Variants in BICD1 observed in about 807,000 individuals in gnomAD.
BICD1 encodes BICD cargo adaptor 1, also known as protein bicaudal D homolog 1.
Under a neutral mutation model 92.5 loss-of-function variants are expected in BICD1, and 35 were observed. The observed-to-expected ratio is 0.38, with a 90% CI of 0.29 to 0.50. The LOEUF is 0.50. Among genes scored for constraint, BICD1 ranks in the 20% least tolerant of loss-of-function variants. BICD1 has a pLI of 0.93. For synonymous variants in BICD1, 429 were observed against 465.1 expected (o/e 0.92, Z 1.00); for missense variants, 950 against 1,189.8 (o/e 0.80, Z 2.97).
chr12:32,108,031 A>G (rs1409782724), intron 1 of BICD1: 1 of 315,876 alleles, frequency 3.2e-6, no homozygotes, highest in African/African-American at 2.1e-5. Context: ...CTCCTCACCA[A>G]TCCCATTTGA....
chr12:32,302,232 T>C (rs1483334728), intron 3 of BICD1, among the ~76,000 whole-genome samples: 1 of 152,186 alleles, frequency 6.6e-6, no homozygotes, highest in Non-Finnish European at 1.5e-5. Flanking sequence ...TTTCAAATGT[T>C]TGTGAAATCA....
In BICD1 at chr12:32,210,381, A is replaced by G. The variant is rs1338363977; in HGVS notation, c.214-5866A>G. Among the ~76,000 whole-genome samples, 3 of 152,230 alleles carry G rather than the reference A, an allele frequency of 2.0e-5. No individual in the cohort carries two copies. The East Asian group carries it at 5.8e-4, about 29-fold the overall frequency. On this transcript the variant is annotated intron_variant, in intron 1 of 9. Transcript: ENST00000652176. ...AAGAGAACATTTTAAAGATAAAATG[A>G]TATTAAATATACTAGTCAAAATTTT...
intron 2 of BICD1, 55 bp from the exon 3 acceptor site, chr12:32,293,939 T>G (rs1947791034): frequency 1.3e-6 from 2 of 1,546,980 alleles, no homozygotes; most frequent in Admixed American, 2.1e-5. Context: ...ACTTTACACC[T>G]TGTAAAATCT....
At chr12:32,225,621 G>GTTTTTTTTTTTTTTTTGTTTTTT (rs1945659618) in intron 2 of BICD1, among the ~76,000 whole-genome samples, 1 of 92,774 alleles carries the variant, frequency 1.1e-5, no homozygotes, top group Non-Finnish European at 2.1e-5. Context: ...CTTTTTTTCT[G>GTTTTTTTTTTTTTTTTGTTTTTT]TTTTTTTTTT....
In BICD1 at chr12:32,107,119, C is replaced by T. The variant is rs1941497977; in HGVS notation, c.-213C>T. The T allele has an allele frequency of 6.8e-6, 4 of 590,048 alleles. No homozygotes were observed. The highest frequency in any genetic ancestry group is 1.2e-5 in the Non-Finnish European group (4 of 332,932). The allele number at this position is 590,048 out of a possible 1,614,324, so 36.6% of individuals were successfully genotyped here. ...TGCCGCCTCGCCCCTGACCCTCTGC[C>T]CTGTTCTCCATGTTGCATTTCTCGT... is the stretch of plus-strand genomic sequence containing the variant. On this transcript the variant is annotated 5_prime_UTR_variant, in exon 1 of 10. Transcript: ENST00000652176.
chr12:32,336,916 A>G (rs1427000037), intron 6 of BICD1, among the ~76,000 whole-genome samples: 1 of 152,174 alleles, frequency 6.6e-6, no homozygotes, highest in African/African-American at 2.4e-5. Flanking sequence ...GTTCGAGACC[A>G]GTCTGGGCAA....
At chr12:32,241,169 G>C (rs770629624) in intron 2 of BICD1, among the ~76,000 whole-genome samples, 44 of 152,158 alleles carry the variant, frequency 2.9e-4, no homozygotes, top group Non-Finnish European at 4.6e-4. Context: ...TTTCCAGACA[G>C]CGGCAAAGAG....
chr12:32,298,668 C>T (rs990435761), intron 3 of BICD1, among the ~76,000 whole-genome samples: 7 of 149,998 alleles, frequency 4.7e-5, no homozygotes, highest in African/African-American at 7.4e-5. Context: ...GTCTGGAGTT[C>T]GAGACCAGCC....
At chr12:32,218,596 T>C (rs1775900467) in intron 2 of BICD1, among the ~76,000 whole-genome samples, 1 of 152,220 alleles carries the variant, frequency 6.6e-6, no homozygotes. Context: ...GATTCTTCAA[T>C]TTTTATGCAT....
Position 32,211,920 on chromosome 12 carries a change from C to T in BICD1, c.214-4327C>T, listed in dbSNP as rs150947047. ...GAATTCAGAATTGACCTCACAGAAT[C>T]TGATCATTACTGATGCAAGAGCAAA... On this transcript the variant is annotated intron_variant, in intron 1 of 9. Transcript: ENST00000652176. 6.2e-3 allele frequency among the ~76,000 whole-genome samples: 946 copies of T among 152,278 alleles called. 10 individuals carry two copies. The highest frequency in any genetic ancestry group is 0.021 in the African/African-American group (883 of 41,560).
intron 1 of BICD1, among the ~76,000 whole-genome samples, chr12:32,161,048 C>G (rs921162175): frequency 1.3e-5 from 2 of 152,132 alleles, no homozygotes; most frequent in Non-Finnish European, 2.9e-5. Context: ...ACACTAATAT[C>G]TAATATTGCC....
chr12:32,175,476 C>T (rs1243634893), intron 1 of BICD1, among the ~76,000 whole-genome samples: 1 of 152,124 alleles, frequency 6.6e-6, no homozygotes, highest in Non-Finnish European at 1.5e-5. Flanking sequence ...GCCACCAAGC[C>T]CAGCTAATTT....
intron 1 of BICD1, among the ~76,000 whole-genome samples, chr12:32,148,837 TG>T (rs1185187546): frequency 2.0e-5 from 3 of 152,074 alleles, no homozygotes; most frequent in African/African-American, 7.2e-5. Context: ...CTAGGCAACA[TG>T]GTGAAACCCT....
chr12:32,320,091 TTATCAGAGTTGTTTC>T (rs2136242696), intron 4 of BICD1, among the ~76,000 whole-genome samples: 1 of 152,328 alleles, frequency 6.6e-6, no homozygotes, highest in East Asian at 1.9e-4. Flanking sequence ...CAGATATGCA[TTATCAGAGTTGTTTC>T]TCTTCAAGCA....
At chr12:32,226,334 C>T (rs1945689940) in intron 2 of BICD1, among the ~76,000 whole-genome samples, 2 of 151,860 alleles carry the variant, frequency 1.3e-5, no homozygotes, top group African/African-American at 4.8e-5. Context: ...AGGGTTTCAC[C>T]ATGTTGGTCA....
At chr12:32,370,647 G>A (rs1939705297) in intron 9 of BICD1, among the ~76,000 whole-genome samples, 1 of 152,144 alleles carries the variant, frequency 6.6e-6, no homozygotes, top group Non-Finnish European at 1.5e-5. Flanking sequence ...CCCACTGGTT[G>A]TTTAACTTTG....
intron 1 of BICD1, among the ~76,000 whole-genome samples, chr12:32,165,965 G>A (rs1214629598): frequency 4.6e-5 from 7 of 151,918 alleles, no homozygotes; most frequent in Admixed American, 2.0e-4. Context: ...TGTGAATTAC[G>A]AAAAAGGCCT....
intron 1 of BICD1, among the ~76,000 whole-genome samples, chr12:32,116,488 CTCTTTCTCTCTCTCTCTCTCTCTATA>C (rs756588473): frequency 8.8e-4 from 111 of 125,962 alleles, no homozygotes; most frequent in Admixed American, 3.1e-3. Context: ...CTCTCTCTCT[CTCTTTCTCTCTCTCTCTCTCTCTATA>C]TATATATATA....
intron 9 of BICD1, among the ~76,000 whole-genome samples, chr12:32,368,382 A>G (rs1365967985): frequency 1.3e-5 from 2 of 152,150 alleles, no homozygotes; most frequent in Non-Finnish European, 2.9e-5. Flanking sequence ...AACAAAAAAC[A>G]CAGTAAAATA....
Sources: allele counts gnomAD v4.1 joint callset (sites outside exome capture counted in the v4.1 genomes callset), GRCh38; gene constraint gnomAD v4.1.1; transcripts MANE v1.5; gene names NCBI Gene and HGNC (gene_info 2026-07-23, HGNC 2026-07-21).